Variants in VTI1A observed in about 807,000 individuals in gnomAD.
VTI1A encodes the protein vesicle transport through interaction with t-SNAREs 1A.
A neutral mutation model predicts 34.9 loss-of-function variants in VTI1A; 22 were observed. The ratio of observed to expected loss-of-function variants is 0.63; its 90% CI spans 0.45 to 0.90. VTI1A has a LOEUF of 0.90. Ranked by LOEUF, VTI1A falls within the 40% of genes least tolerant of loss-of-function variation. The probability of loss-of-function intolerance (pLI) is 0.00; values close to 1 mark genes in which losing one functional copy is unlikely to be tolerated. For missense variants in VTI1A, 268 were observed against 275.6 expected (o/e 0.97, Z 0.20); for synonymous variants, 87 against 97.3 (o/e 0.89, Z 0.62).
the VTI1A span, among the ~76,000 whole-genome samples, chr10:112,830,849 A>ATATATATATTTTTTTTT: frequency 3.0e-4 from 10 of 33,498 alleles, no homozygotes; most frequent in African/African-American, 7.2e-4. Context: ...ATATATATAT[A>ATATATATATTTTTTTTT]TTTTTTTTTT....
intron 7 of VTI1A, among the ~76,000 whole-genome samples, chr10:112,695,079 A>T (rs979673461): frequency 2.0e-5 from 3 of 152,210 alleles, no homozygotes; most frequent in African/African-American, 7.2e-5. Context: ...TGGGAAATGG[A>T]ACACATGAAA....
At chr10:112,537,231 G>A (rs951910972) in intron 4 of VTI1A, among the ~76,000 whole-genome samples, 5 of 147,876 alleles carry the variant, frequency 3.4e-5, no homozygotes, top group South Asian at 2.1e-4. Flanking sequence ...AGATATTAAC[G>A]TATGCAGATA....
At chr10:112,734,721 C>T (rs1420486279) in intron 7 of VTI1A, among the ~76,000 whole-genome samples, 3 of 150,724 alleles carry the variant, frequency 2.0e-5, no homozygotes, top group Admixed American at 6.6e-5. Context: ...GGCGCGATCT[C>T]GGCTCACTGC....
At chr10:112,814,730 G>T (rs1853449072) in intron 7 of VTI1A, among the ~76,000 whole-genome samples, 1 of 152,148 alleles carries the variant, frequency 6.6e-6, no homozygotes, top group African/African-American at 2.4e-5. Flanking sequence ...GCGTAACGGA[G>T]CGTGAGCCAC....
At chr10:112,732,910 G>GAAAAAA (rs111417210) in intron 7 of VTI1A, among the ~76,000 whole-genome samples, 11,797 of 152,220 alleles carry the variant, frequency 0.077, 1,144 homozygotes, top group African/African-American at 0.23. Flanking sequence ...GTCAGCCAGA[G>GAAAAAA]TTGACACAGT....
At chr10:112,823,028 T>G (rs1440679177), downstream of VTI1A, among the ~76,000 whole-genome samples, 1 of 152,250 alleles carries the variant, frequency 6.6e-6, no homozygotes, top group Non-Finnish European at 1.5e-5. Flanking sequence ...CACATTGCGA[T>G]GCCTGTGCCT....
At chr10:112,852,175 TATA>T in the VTI1A span, among the ~76,000 whole-genome samples, 1 of 152,218 alleles carries the variant, frequency 6.6e-6, no homozygotes, top group Non-Finnish European at 1.5e-5. Context: ...TTAAATATGT[TATA>T]ATATAAGACA....
At chr10:112,805,891 T>C (rs993544076) in intron 7 of VTI1A, among the ~76,000 whole-genome samples, 3 of 152,204 alleles carry the variant, frequency 2.0e-5, no homozygotes, top group Non-Finnish European at 4.4e-5. Context: ...AATAACTTTC[T>C]GTTGTTGAAG....
chr10:112,723,891 T>C, intron 7 of VTI1A, among the ~76,000 whole-genome samples: 1 of 152,236 alleles, frequency 6.6e-6, no homozygotes, highest in East Asian at 1.9e-4. Flanking sequence ...ACAGGTTTTC[T>C]AGCACACAGA....
intron 5 of VTI1A, among the ~76,000 whole-genome samples, chr10:112,599,467 A>C (rs1193713915): frequency 6.6e-6 from 1 of 152,132 alleles, no homozygotes; most frequent in Non-Finnish European, 1.5e-5. Flanking sequence ...TTAGGACAAA[A>C]CAGTCCATGG....
intron 5 of VTI1A, among the ~76,000 whole-genome samples, chr10:112,611,766 G>A (rs1845323872): frequency 1.1e-5 from 1 of 93,280 alleles, no homozygotes; most frequent in African/African-American, 6.2e-5. Context: ...TTTTGTGACG[G>A]AGTCTCGCTC....
chr10:112,676,828 G>A (rs577083236), intron 7 of VTI1A, among the ~76,000 whole-genome samples: 6 of 152,138 alleles, frequency 3.9e-5, no homozygotes, highest in African/African-American at 7.2e-5. Context: ...GGGTAGAAGC[G>A]ACTTGAAACA....
chr10:112,752,421 A>C lies in VTI1A; in HGVS notation c.561-62869A>C, dbSNP rs569943631. 4.7e-5 allele frequency: 46 copies of C among 985,446 alleles called. 1 individual carries two copies. In the South Asian group the frequency reaches 1.9e-3, roughly 41 times the overall value. 61.0% of individuals were successfully genotyped at this position (985,446 alleles called of 1,614,324 possible). A position where few individuals can be genotyped will look rare whatever the true frequency, so the allele number is the denominator to read the frequency against. Reference sequence around the variant, plus strand: ...GCTGATATCTCTTTACCGGGGAGTCAGCTTCACCAGCCACAGCTGCTGAAA... The same window carrying C: ...GCTGATATCTCTTTACCGGGGAGTCCGCTTCACCAGCCACAGCTGCTGAAA... On this transcript the variant is annotated intron_variant, in intron 7 of 7. Transcript: ENST00000393077.
intron 5 of VTI1A, among the ~76,000 whole-genome samples, chr10:112,568,925 T>C (rs1372888517): frequency 2.0e-5 from 3 of 152,068 alleles, no homozygotes; most frequent in Admixed American, 2.0e-4. Flanking sequence ...GGGGCATATG[T>C]GGGCGGATCA....
intron 5 of VTI1A, among the ~76,000 whole-genome samples, chr10:112,568,296 C>T (rs909921579): frequency 8.5e-5 from 13 of 152,088 alleles, no homozygotes; most frequent in Non-Finnish European, 1.8e-4. Context: ...CATCTGAGGT[C>T]AGGAGTTCGA....
At chr10:112,702,118 G>A (rs1265002592) in intron 7 of VTI1A, among the ~76,000 whole-genome samples, 1 of 152,158 alleles carries the variant, frequency 6.6e-6, no homozygotes, top group Non-Finnish European at 1.5e-5. Flanking sequence ...GTAGGGCTGT[G>A]GGGTGCAGCA....
chr10:112,509,235 C>A (rs1166635449), intron 3 of VTI1A, among the ~76,000 whole-genome samples: 3 of 152,106 alleles, frequency 2.0e-5, no homozygotes, highest in African/African-American at 7.2e-5. Flanking sequence ...TTAGCTAGAC[C>A]TGAAGTCCAT....
chr10:112,518,547 T>TTCTCTCTCTC (rs57853028), intron 3 of VTI1A, among the ~76,000 whole-genome samples: 1 of 101,532 alleles, frequency 9.8e-6, no homozygotes, highest in African/African-American at 4.1e-5. Flanking sequence ...TCATATCTCT[T>TTCTCTCTCTC]TCTCTCTCTC....
chr10:112,768,806 A>T (rs944593614), intron 7 of VTI1A, among the ~76,000 whole-genome samples: 1 of 152,210 alleles, frequency 6.6e-6, no homozygotes, highest in African/African-American at 2.4e-5. Flanking sequence ...TAAATGTGTT[A>T]TAATCATGGA....
Sources: gnomAD v4.1 joint callset for allele counts (sites outside exome capture counted in the v4.1 genomes callset) on GRCh38, gnomAD v4.1.1 for gene constraint, MANE v1.5 for transcripts, NCBI Gene and HGNC (gene_info 2026-07-23, HGNC 2026-07-21) for gene names.